The following FOCAD variants were observed in gnomAD, a reference collection of about 807,000 sequenced individuals.
FOCAD encodes focadhesin.
In FOCAD, 198 loss-of-function variants were observed where a neutral mutation model predicts 225.6. The observed-to-expected ratio is 0.88, with a 90% CI of 0.78 to 0.99. The LOEUF is 0.99. FOCAD is among the 50% of genes least tolerant of loss of function. The pLI is 0.00. For synonymous variants in FOCAD, 897 were observed against 755.0 expected, an observed-to-expected ratio of 1.19 and a Z score of -3.08; for missense variants, 2,713 against 2,123.6, an observed-to-expected ratio of 1.28 and a Z score of -5.46.
intron 35 of FOCAD, among the ~76,000 whole-genome samples, chr9:20,955,522 CTTTT>C (rs10715548): frequency 5.1e-5 from 7 of 136,558 alleles, no homozygotes; most frequent in Admixed American, 7.3e-5. Flanking sequence ...ATAACTGGGT[CTTTT>C]TTTTTTTTTT....
At chr9:20,970,532 T>A (rs1839675701) in intron 35 of FOCAD, among the ~76,000 whole-genome samples, 1 of 152,048 alleles carries the variant, frequency 6.6e-6, no homozygotes, top group Non-Finnish European at 1.5e-5. Context: ...ATTTGTTTGG[T>A]TCTTTTAAAA....
rs1263502181 is a variant in FOCAD, at chr9:20,862,494, A to G, written c.1921-84A>G. ...TCTTATTTGTTTCTTAAGTTTCCTT[A>G]TAATAAAATATAGTACTCTTAATTA... On this transcript the variant is annotated intron_variant, in intron 15 of 43. Transcript: ENST00000338382. The G allele has an allele frequency of 4.2e-6, 6 of 1,427,202 alleles. No individual in the cohort carries two copies. In the East Asian group the frequency reaches 1.4e-4, roughly 34 times the overall value. 88.4% of individuals were successfully genotyped at this position (1,427,202 alleles called of 1,614,324 possible).
chr9:20,966,605 G>T (rs1426583118), intron 35 of FOCAD, among the ~76,000 whole-genome samples: 1 of 152,078 alleles, frequency 6.6e-6, no homozygotes, highest in African/African-American at 2.4e-5. Flanking sequence ...CAAGGTCAAA[G>T]ATTTACCCCT....
chr9:20,929,613 T>G lies in FOCAD; in HGVS notation c.3317+17T>G. ...GAAACTCAGGTACAGTTTATTAAAA[T>G]ATTCCTGCTTTTCTTCTTTGTGATT... On this transcript the variant is annotated intron_variant, in intron 27 of 43. Transcript: ENST00000338382. The G allele has an allele frequency of 1.2e-6, 2 of 1,603,172 alleles. No individual in the cohort carries two copies. The highest frequency in any genetic ancestry group is 1.7e-6 in the Non-Finnish European group (2 of 1,171,958).
At chr9:20,944,795 T>G in intron 29 of FOCAD, 21 bp downstream of exon 29, 1 of 1,597,790 alleles carries the variant, frequency 6.3e-7, no homozygotes, top group East Asian at 2.3e-5. Flanking sequence ...GAGGCTACAT[T>G]TTTTTCCCCT....
At chr9:20,796,137 C>T (rs1821075837) in intron 11 of FOCAD, among the ~76,000 whole-genome samples, 1 of 152,150 alleles carries the variant, frequency 6.6e-6, no homozygotes, top group Non-Finnish European at 1.5e-5. Context: ...CTACAAAGGA[C>T]ATGAACTCAT....
intron 7 of FOCAD, among the ~76,000 whole-genome samples, chr9:20,769,223 G>T (rs10441704): frequency 0.01 from 1,566 of 152,060 alleles, 27 homozygotes; most frequent in African/African-American, 0.036. Flanking sequence ...TTTTCTCTCT[G>T]TGTATAACTA....
rs898603153 is a variant in FOCAD at position 20,965,779 on chromosome 9, A to G, written c.4133-10641A>G. Among the ~76,000 whole-genome samples, 18 of 152,154 alleles carry G rather than the reference A, an allele frequency of 1.2e-4. 1 individual carries two copies. Among genetic ancestry groups the G allele is most frequent in the African/African-American group, 4.1e-4 (17 of 41,430 alleles). The stretch of plus-strand genomic sequence containing the variant: ...CTTTAAATGTCATTTAAATGGAACC[A>G]TACAATATGTGGCCTTTGTGATTGG... On this transcript the variant is annotated intron_variant, in intron 35 of 43. Coordinates refer to ENST00000338382, the MANE Select transcript of FOCAD (RefSeq NM_001375567.1).
intron 11 of FOCAD, among the ~76,000 whole-genome samples, chr9:20,793,161 G>T (rs904797835): frequency 6.6e-6 from 1 of 152,154 alleles, no homozygotes; most frequent in Non-Finnish European, 1.5e-5. Context: ...AAGAAGTAGT[G>T]TACTACTATT....
intron 35 of FOCAD, among the ~76,000 whole-genome samples, chr9:20,974,326 G>T (rs28493699): frequency 0.14 from 9,140 of 66,388 alleles, 4 homozygotes; most frequent in East Asian, 0.18. Flanking sequence ...CTTCTCCTTT[G>T]TCCTATGTTT....
intron 5 of FOCAD, among the ~76,000 whole-genome samples, chr9:20,749,162 A>G (rs548405004): frequency 5.3e-5 from 8 of 152,146 alleles, no homozygotes; most frequent in Non-Finnish European, 1.2e-4. Flanking sequence ...GCACCATTGC[A>G]TTAAAACCCT....
intron 10 of FOCAD, among the ~76,000 whole-genome samples, chr9:20,788,561 C>T (rs1284913959): frequency 6.6e-6 from 1 of 152,150 alleles, no homozygotes; most frequent in Non-Finnish European, 1.5e-5. Context: ...AAGTCAGCCT[C>T]TATTAACCAG....
chr9:20,919,786 C>T (rs1266502332), intron 24 of FOCAD, among the ~76,000 whole-genome samples: 5 of 152,112 alleles, frequency 3.3e-5, no homozygotes, highest in Non-Finnish European at 7.4e-5. Flanking sequence ...TGGATCCCTT[C>T]CTTACACCTT....
rs79645544 is a variant in FOCAD, at chr9:20,744,990, C to T, written c.392+4650C>T. Among the ~76,000 whole-genome samples the T allele has an allele frequency of 1.9e-3, 292 of 152,230 alleles. 4 individuals carry two copies. The East Asian group carries it at 0.043, about 22-fold the overall frequency. On this transcript the variant is annotated intron_variant, in intron 5 of 43. Coordinates refer to ENST00000338382, the MANE Select transcript of FOCAD (RefSeq NM_001375567.1). Reference sequence around the variant, plus strand: ...TATACTAATTAACATTTTTTTAAACCACTATGTAGTATCCTTTAGTTCAGA... The same window carrying T: ...TATACTAATTAACATTTTTTTAAACTACTATGTAGTATCCTTTAGTTCAGA...
In FOCAD at chr9:20,874,792, C is replaced by T. The variant is rs1157236195; in HGVS notation, c.2302C>T (p.Pro768Ser). ...CYLKLLSLTP[P>S]LVLPALEEFF... The stretch of plus-strand genomic sequence containing the variant: ...TCTCAAACTGTTGTCACTCACTCCC[C>T]CTTTGGTTTTACCAGGTGACTCCTA... Residue 768 changes from proline (P) to serine (S), a missense_variant, in exon 19 of 44, where the codon CCT becomes TCT. Coordinates refer to ENST00000338382, the MANE Select transcript of FOCAD (RefSeq NM_001375567.1). 1.9e-6 allele frequency: 3 copies of T among 1,613,576 alleles called. No homozygotes were observed. Among genetic ancestry groups the T allele is most frequent in the South Asian group, 1.1e-5 (1 of 91,062 alleles).
chr9:20,856,718 T>G (rs1490726211), intron 15 of FOCAD, among the ~76,000 whole-genome samples: 3 of 152,104 alleles, frequency 2.0e-5, no homozygotes, highest in African/African-American at 7.2e-5. Flanking sequence ...AGTTTCATCC[T>G]TTCAGGTGTT....
rs1834678542 is a variant in FOCAD at position 20,923,739 on chromosome 9, C to G, written c.2932C>G (p.Leu978Val). ...CGTCGTATCTAGACATGAAGCCAGCCTCTCCTCAGACTCTGACGGGCTCCT... is the reference window on the plus strand; with the variant it reads ...CGTCGTATCTAGACATGAAGCCAGCGTCTCCTCAGACTCTGACGGGCTCCT... ...AVVVSRHEAS[L>V]SSDSDGLLEV... Residue 978 changes from leucine to valine, a missense_variant, in exon 25 of 44, where the codon CTC becomes GTC. Physicochemically the swap from Leu to Val is conservative, Grantham distance 32. Transcript: ENST00000338382. 1.2e-6 allele frequency: 2 copies of G among 1,613,826 alleles called. No homozygotes were observed. The highest frequency in any genetic ancestry group is 1.7e-5 in the Admixed American group (1 of 59,984).
chr9:20,677,685 A>C (rs1186198895), intron 2 of FOCAD, among the ~76,000 whole-genome samples: 2 of 151,798 alleles, frequency 1.3e-5, no homozygotes, highest in Admixed American at 6.5e-5. Context: ...AGAAAAGGTA[A>C]CAAGTGTTAA....
chr9:20,676,718 C>G (rs1259578762), intron 2 of FOCAD, among the ~76,000 whole-genome samples: 2 of 152,104 alleles, frequency 1.3e-5, no homozygotes, highest in African/African-American at 4.8e-5. Context: ...AGGAAATTTT[C>G]AAACATCAAA....
Sources: gnomAD v4.1 joint callset for allele counts (sites outside exome capture counted in the v4.1 genomes callset) on GRCh38, gnomAD v4.1.1 for gene constraint, MANE v1.5 for transcripts, NCBI Gene and HGNC (gene_info 2026-07-23, HGNC 2026-07-21) for gene names.